SEMA3C: variants seen among roughly 807,000 people sequenced by gnomAD.
SEMA3C encodes semaphorin 3C.
SEMA3C carries 47 observed loss-of-function variants against 89.4 expected under a neutral mutation model. That is an observed-to-expected ratio of 0.53 (90% CI 0.42 to 0.67). The LOEUF is 0.67. Among genes scored for constraint, SEMA3C ranks in the 30% least tolerant of loss-of-function variants. The pLI is 0.00. For missense variants in SEMA3C, 839 were observed against 929.1 expected, an observed-to-expected ratio of 0.90 and a Z score of 1.26; for synonymous variants, 310 against 320.2, an observed-to-expected ratio of 0.97 and a Z score of 0.34.
At chr7:80,797,951 T>C (rs1005994074) in intron 11 of SEMA3C, 141 bp downstream of exon 11, 11 of 731,560 alleles carry the variant, frequency 1.5e-5, no homozygotes, top group African/African-American at 9.5e-5. Flanking sequence ...TGAGCTGAGA[T>C]TGCACCACTA....
At chr7:80,793,612 C>T (rs1001036740) in intron 11 of SEMA3C, 2 of 359,840 alleles carry the variant, frequency 5.6e-6, no homozygotes, top group Non-Finnish European at 1.1e-5. Flanking sequence ...TCCCTACATA[C>T]TCAAGAGGCA....
chr7:80,766,770 G>T (rs1332704170), intron 12 of SEMA3C, among the ~76,000 whole-genome samples: 1 of 152,176 alleles, frequency 6.6e-6, no homozygotes, highest in Admixed American at 6.5e-5. Context: ...AAGATCTCAG[G>T]AGCTGAGTGA....
chr7:80,766,696 C>T (rs897598918), intron 12 of SEMA3C, among the ~76,000 whole-genome samples: 2 of 152,090 alleles, frequency 1.3e-5, no homozygotes, highest in East Asian at 3.9e-4. Flanking sequence ...GTTAACAGTG[C>T]CAGGGAAACA....
chr7:80,744,940 T>G lies in SEMA3C; in HGVS notation c.2210A>C (p.Asn737Thr). The change falls in exon 18 of 18, where the codon AAT becomes ACT. Residue 737 changes from asparagine (N) to threonine (T), a missense_variant. Coordinates refer to ENST00000265361, the MANE Select transcript of SEMA3C (RefSeq NM_006379.5). ...CCTCCTGTTTCTACTTTTCCGACTA[T>G]TGATGAGGGCCTTTAACTTGCCATA... ...GDYGKLKALI[N>T]SRKSRNRRNQ... The G allele has an allele frequency of 6.2e-7, 1 of 1,614,130 alleles. No homozygotes were observed. The highest frequency in any genetic ancestry group is 8.5e-7 in the Non-Finnish European group (1 of 1,179,966).
intron 2 of SEMA3C, among the ~76,000 whole-genome samples, chr7:80,870,055 A>G (rs886985162): frequency 6.6e-6 from 1 of 152,166 alleles, no homozygotes; most frequent in Non-Finnish European, 1.5e-5. Flanking sequence ...AGTCTTGCCT[A>G]TAATTGGTAG....
At chr7:80,794,815 A>G (rs1374354666) in intron 11 of SEMA3C, among the ~76,000 whole-genome samples, 1 of 152,242 alleles carries the variant, frequency 6.6e-6, no homozygotes, top group African/African-American at 2.4e-5. Flanking sequence ...GCAACATACC[A>G]AAAGTGTCTT....
At chr7:80,745,940 CA>C (rs1787790468) in intron 17 of SEMA3C, among the ~76,000 whole-genome samples, 1 of 151,968 alleles carries the variant, frequency 6.6e-6, no homozygotes, top group African/African-American at 2.4e-5. Context: ...TTTTACTTTA[CA>C]AGGAAAGGTA....
At chr7:80,868,032 A>G (rs1790969757) in intron 2 of SEMA3C, among the ~76,000 whole-genome samples, 1 of 152,212 alleles carries the variant, frequency 6.6e-6, no homozygotes, top group African/African-American at 2.4e-5. Context: ...TTGTATTATG[A>G]AATCTTGCAA....
At chr7:80,818,179 T>C in intron 5 of SEMA3C, 120 bp downstream of exon 5, 5 of 963,012 alleles carry the variant, frequency 5.2e-6, no homozygotes, top group African/African-American at 1.6e-5. Flanking sequence ...ATAGTTTGTA[T>C]TTAAAGGGCA....
chr7:80,881,824 A>C (rs991812090), intron 2 of SEMA3C, among the ~76,000 whole-genome samples: 3 of 152,202 alleles, frequency 2.0e-5, no homozygotes, highest in Non-Finnish European at 4.4e-5. Context: ...ATATCAAGCC[A>C]CATAAAATTT....
chr7:80,897,742 T>C (rs908342396), intron 2 of SEMA3C, among the ~76,000 whole-genome samples: 1 of 152,212 alleles, frequency 6.6e-6, no homozygotes, highest in Non-Finnish European at 1.5e-5. Flanking sequence ...GAAGGCTTCA[T>C]TTACCATTTA....
chr7:80,899,560 T>C (rs932345353), intron 2 of SEMA3C, among the ~76,000 whole-genome samples: 1 of 152,178 alleles, frequency 6.6e-6, no homozygotes, highest in Non-Finnish European at 1.5e-5. Flanking sequence ...ACAGCATTCT[T>C]ATAAGAACTT....
intron 2 of SEMA3C, among the ~76,000 whole-genome samples, chr7:80,867,214 T>A (rs961823472): frequency 6.6e-6 from 1 of 152,178 alleles, no homozygotes; most frequent in Non-Finnish European, 1.5e-5. Context: ...AAACAGAAAA[T>A]ATCTATGTTG....
chr7:80,838,951 G>A (rs1468128701), intron 2 of SEMA3C, among the ~76,000 whole-genome samples: 1 of 152,108 alleles, frequency 6.6e-6, no homozygotes, highest in Admixed American at 6.6e-5. Context: ...TATTTTACTT[G>A]TGTTGTGTAA....
intron 11 of SEMA3C, among the ~76,000 whole-genome samples, chr7:80,796,022 A>G (rs1789055933): frequency 6.6e-6 from 1 of 152,268 alleles, no homozygotes; most frequent in Non-Finnish European, 1.5e-5. Context: ...TATCTTTTTA[A>G]TATCTTTATT....
chr7:80,868,747 C>T (rs1212015072), intron 2 of SEMA3C, among the ~76,000 whole-genome samples: 1 of 152,016 alleles, frequency 6.6e-6, no homozygotes, highest in Non-Finnish European at 1.5e-5. Context: ...AGAAATTCCA[C>T]AAGTAGCAGA....
intron 11 of SEMA3C, among the ~76,000 whole-genome samples, chr7:80,795,378 A>G (rs1789037306): frequency 6.6e-6 from 1 of 152,134 alleles, no homozygotes; most frequent in Non-Finnish European, 1.5e-5. Flanking sequence ...CACTCATCTG[A>G]CAATTTTTTG....
At chr7:80,838,051 T>C (rs1442506199) in intron 2 of SEMA3C, among the ~76,000 whole-genome samples, 1 of 152,182 alleles carries the variant, frequency 6.6e-6, no homozygotes, top group Non-Finnish European at 1.5e-5. Context: ...GAATTAAAAA[T>C]ATGAGCATAA....
At chr7:80,784,532 C>T (rs545513009) in intron 12 of SEMA3C, among the ~76,000 whole-genome samples, 6 of 151,948 alleles carry the variant, frequency 3.9e-5, no homozygotes, top group Admixed American at 2.0e-4. Flanking sequence ...ATTATATCTA[C>T]ATATTAGAAA....
Sources: gnomAD v4.1 joint callset for allele counts (sites outside exome capture counted in the v4.1 genomes callset) on GRCh38, gnomAD v4.1.1 for gene constraint, MANE v1.5 for transcripts, NCBI Gene and HGNC (gene_info 2026-07-23, HGNC 2026-07-21) for gene names.